The following STK3 variants were observed in gnomAD, a reference collection of about 807,000 sequenced individuals.
STK3 encodes serine/threonine-protein kinase 3.
Under a neutral mutation model 58.0 loss-of-function variants are expected in STK3, and 41 were observed. The ratio of observed to expected loss-of-function variants is 0.71; its 90% CI spans 0.55 to 0.92. STK3 has a LOEUF of 0.92. Ranked by LOEUF, STK3 falls within the 40% of genes least tolerant of loss-of-function variation. The probability of loss-of-function intolerance (pLI) is 0.00; values close to 1 mark genes in which losing one functional copy is unlikely to be tolerated. For missense variants in STK3, 479 were observed against 602.7 expected (o/e 0.79, Z 2.15); for synonymous variants, 170 against 191.0 (o/e 0.89, Z 0.91).
chr8:98,832,221 A>T (rs1835557149), intron 3 of STK3, among the ~76,000 whole-genome samples: 1 of 149,318 alleles, frequency 6.7e-6, no homozygotes, highest in African/African-American at 2.5e-5. Flanking sequence ...CATATTCAAT[A>T]GGTTATAGTG....
intron 3 of STK3, among the ~76,000 whole-genome samples, chr8:98,749,855 T>C (rs1196536377): frequency 6.6e-6 from 1 of 152,142 alleles, no homozygotes; most frequent in African/African-American, 2.4e-5. Context: ...GAAAAAAAAT[T>C]ATAAATTTTT....
At chr8:98,876,767 T>C (rs1265166110) in intron 3 of STK3, among the ~76,000 whole-genome samples, 1 of 152,254 alleles carries the variant, frequency 6.6e-6, no homozygotes, top group East Asian at 1.9e-4. Flanking sequence ...TGAGAAAGCC[T>C]CAGTCTCTCT....
At chr8:98,504,302 C>T (rs1453447814) in intron 10 of STK3, among the ~76,000 whole-genome samples, 2 of 152,080 alleles carry the variant, frequency 1.3e-5, no homozygotes, top group Non-Finnish European at 2.9e-5. Flanking sequence ...TGAGATGGGT[C>T]TCCTGAATAC....
At chr8:98,924,531 A>C (rs1267769000) in intron 1 of STK3, among the ~76,000 whole-genome samples, 1 of 152,220 alleles carries the variant, frequency 6.6e-6, no homozygotes, top group African/African-American at 2.4e-5. Flanking sequence ...CAACCTCGTA[A>C]GGAACCAATG....
chr8:98,874,121 T>A (rs970093553), intron 3 of STK3, among the ~76,000 whole-genome samples: 1 of 152,232 alleles, frequency 6.6e-6, no homozygotes. Context: ...CAGCTGGATA[T>A]GAAATTCTGG....
intron 6 of STK3, among the ~76,000 whole-genome samples, chr8:98,687,701 T>C (rs1332769508): frequency 6.6e-6 from 1 of 152,062 alleles, no homozygotes; most frequent in Non-Finnish European, 1.5e-5. Context: ...GAAGGAAAAA[T>C]AATGTATTTC....
intron 1 of STK3, among the ~76,000 whole-genome samples, chr8:98,825,055 A>T (rs1417837104): frequency 1.3e-5 from 2 of 152,204 alleles, no homozygotes; most frequent in African/African-American, 2.4e-5. Context: ...TACCATACCA[A>T]AGCAGCACTA....
At position 98,922,636 on chromosome 8, in the gene STK3, A is replaced by G. The variant is rs926983167; in HGVS notation, c.-79+19742T>C. On this transcript the variant is annotated intron_variant, in intron 1 of 1. Coordinates refer to the STK3 transcript ENST00000519420. ...ACAGGAAACAAATAAAAAGGGATTC[A>G]GAAGTTTATTTATTGCTCTTCTATT... Among the ~76,000 whole-genome samples the G allele has an allele frequency of 6.6e-5, 10 of 152,236 alleles. 1 individual carries two copies. The highest frequency in any genetic ancestry group is 9.6e-5 in the African/African-American group (4 of 41,456).
chr8:98,716,549 C>T (rs987350474), intron 4 of STK3, among the ~76,000 whole-genome samples: 1 of 151,742 alleles, frequency 6.6e-6, no homozygotes, highest in Admixed American at 6.6e-5. Flanking sequence ...AAATAAAAAC[C>T]TATCATATCT....
chr8:98,404,294 T>C (rs890548780), intron 3 of STK3, among the ~76,000 whole-genome samples: 1 of 152,156 alleles, frequency 6.6e-6, no homozygotes, highest in African/African-American at 2.4e-5. Context: ...CTCAGCACTT[T>C]GGGAGACTGA....
At chr8:98,504,768 C>T (rs1823918530) in intron 10 of STK3, among the ~76,000 whole-genome samples, 1 of 152,198 alleles carries the variant, frequency 6.6e-6, no homozygotes, top group African/African-American at 2.4e-5. Flanking sequence ...CACTGTTGGT[C>T]TGATGGGCTT....
chr8:98,359,344 TAAAAAAAAA>T, the STK3 span, among the ~76,000 whole-genome samples: 5 of 55,712 alleles, frequency 9.0e-5, no homozygotes, highest in Non-Finnish European at 1.4e-4. Flanking sequence ...CCATCTCAAC[TAAAAAAAAA>T]AAAAAAAAAA....
intron 3 of STK3, among the ~76,000 whole-genome samples, chr8:98,867,244 T>A (rs1837178280): frequency 6.6e-6 from 1 of 152,106 alleles, no homozygotes; most frequent in Non-Finnish European, 1.5e-5. Flanking sequence ...GGTGAAACCC[T>A]GCCTCTACAA....
At position 98,702,264 on chromosome 8, in the gene STK3, A is replaced by G. The variant is rs538858386; in HGVS notation, c.684+4203T>C. ...CCAGGAATGATAAAAGAAATAATCA[A>G]TCTCTGACAAACTGATAAACTAAAG... On this transcript the variant is annotated intron_variant, in intron 6 of 10. Transcript: ENST00000419617. Among the ~76,000 whole-genome samples the G allele has an allele frequency of 1.1e-3, 168 of 152,340 alleles. 1 individual carries two copies. Among genetic ancestry groups the G allele is most frequent in the South Asian group, 2.3e-3 (11 of 4,828 alleles).
At chr8:98,699,539 T>C (rs1178748180) in intron 6 of STK3, among the ~76,000 whole-genome samples, 8 of 152,128 alleles carry the variant, frequency 5.3e-5, no homozygotes, top group Non-Finnish European at 1.2e-4. Context: ...GATGGGTTTT[T>C]GGTGTGGATG....
intron 1 of STK3, among the ~76,000 whole-genome samples, chr8:98,788,575 G>A (rs996182533): frequency 1.3e-5 from 2 of 152,044 alleles, no homozygotes; most frequent in Admixed American, 6.6e-5. Context: ...AGCTAAAGGG[G>A]TGGAAAAAGA....
intron 7 of STK3, among the ~76,000 whole-genome samples, chr8:98,590,729 G>C (rs1275726083): frequency 1.3e-5 from 2 of 152,140 alleles, no homozygotes; most frequent in Non-Finnish European, 2.9e-5. Context: ...TTTTATGTAA[G>C]TTTGTAAGTT....
chr8:98,413,769 G>A (rs1194212249), intron 3 of STK3: 5 of 676,620 alleles, frequency 7.4e-6, no homozygotes, highest in East Asian at 3.1e-5. Flanking sequence ...ATGAGAGGAA[G>A]CCCATCGTCA....
intron 3 of STK3, among the ~76,000 whole-genome samples, chr8:98,866,589 C>T (rs1445332548): frequency 6.6e-6 from 1 of 152,150 alleles, no homozygotes; most frequent in East Asian, 1.9e-4. Flanking sequence ...TTATTGAATA[C>T]GTACCGTGTG....
Sources: allele counts gnomAD v4.1 joint callset (sites outside exome capture counted in the v4.1 genomes callset), GRCh38; gene constraint gnomAD v4.1.1; transcripts MANE v1.5; gene names NCBI Gene and HGNC (gene_info 2026-07-23, HGNC 2026-07-21).